The following WSCD1 variants were observed in gnomAD, a reference collection of about 807,000 sequenced individuals.
WSCD1 encodes WSC domain sialate O sulfotransferase 1.
WSCD1 carries 41 observed loss-of-function variants against 60.4 expected under a neutral mutation model. The ratio of observed to expected loss-of-function variants is 0.68; its 90% CI spans 0.53 to 0.88. The LOEUF (loss-of-function observed/expected upper bound fraction) is 0.88. Among genes scored for constraint, WSCD1 ranks in the 40% least tolerant of loss-of-function variants. The pLI is 0.00. For synonymous variants in WSCD1, 361 were observed against 332.5 expected, an observed-to-expected ratio of 1.09 and a Z score of -0.93; for missense variants, 784 against 796.2, an observed-to-expected ratio of 0.98 and a Z score of 0.18.
rs533808306 is a variant in WSCD1, at chr17:6,073,291, G to A, written c.-289+2639G>A. On this transcript the variant is annotated intron_variant, in intron 1 of 8. Coordinates refer to ENST00000317744, the MANE Select transcript of WSCD1 (RefSeq NM_015253.2). ...GACGACCCTTAAGCTTTCAGCACCA[G>A]GTGGAAGAAACACATGAATAAGTAA... Among the ~76,000 whole-genome samples the A allele has an allele frequency of 1.3e-5, 2 of 152,300 alleles. 1 individual carries two copies. Among genetic ancestry groups the A allele is most frequent in the South Asian group, 4.1e-4 (2 of 4,824 alleles).
Position 6,120,967 on chromosome 17 carries a change from G to C in WSCD1, c.*306G>C, listed in dbSNP as rs1904658224. 2 of 427,088 alleles carry C rather than the reference G, an allele frequency of 4.7e-6. No homozygotes were observed. The highest frequency in any genetic ancestry group is 2.0e-5 in the African/African-American group (1 of 50,328). 26.5% of individuals were successfully genotyped at this position (427,088 alleles called of 1,614,324 possible). On this transcript the variant is annotated 3_prime_UTR_variant, in exon 9 of 9. Coordinates refer to ENST00000317744, the MANE Select transcript of WSCD1 (RefSeq NM_015253.2). ...ACGTGGGGTGTGCCAGGCACCCCCA[G>C]ATACAAATGCAGCCACGCACAGACG...
intron 1 of WSCD1, among the ~76,000 whole-genome samples, chr17:6,077,513 G>A (rs1008860328): frequency 6.6e-5 from 10 of 152,166 alleles, no homozygotes; most frequent in Non-Finnish European, 1.2e-4. Context: ...TGGCCTGCAC[G>A]TGGCTGTCTG....
chr17:6,074,906 G>A (rs901464008), intron 1 of WSCD1, among the ~76,000 whole-genome samples: 4 of 152,114 alleles, frequency 2.6e-5, no homozygotes, highest in African/African-American at 9.7e-5. Context: ...GAGAGGGGAT[G>A]GGGTACAGAA....
At chr17:6,097,684 T>C (rs1338951970) in intron 5 of WSCD1, among the ~76,000 whole-genome samples, 1 of 152,214 alleles carries the variant, frequency 6.6e-6, no homozygotes, top group Non-Finnish European at 1.5e-5. Flanking sequence ...TCACTTTGTG[T>C]GAGTGAATCT....
At position 6,120,595 on chromosome 17, in the gene WSCD1, G is replaced by A. The variant is rs762563961; in HGVS notation, c.1662G>A (p.Arg554=). Residue 554 remains arginine (R), a synonymous_variant, in exon 9 of 9, where the codon CGG becomes CGA. Transcript: ENST00000317744. ...AAGACTTGATCAATGGCTACATCCG[G>A]ACGGTGGACCAAGCCCTGCGTGACC... ...EMKDLINGYI[R]TVDQALRDHN... 207 of 1,613,470 alleles carry A rather than the reference G, an allele frequency of 1.3e-4. No individual in the cohort carries two copies. The highest frequency in any genetic ancestry group is 1.7e-4 in the Non-Finnish European group (197 of 1,179,998).
rs997525174 is a variant in WSCD1 at position 6,101,066 on chromosome 17, C to T, written c.849+5843C>T. ...CTTCCCTCCTGAATGTTGAGGGTGG[C>T]GAGAGAGGTGAATCTGGGGATGTCT... On this transcript the variant is annotated intron_variant, in intron 5 of 8. Transcript: ENST00000317744. This position sits in a 1 kb window ranked among gnomAD's most constrained non-coding sequence, Gnocchi z 4.1. 5.3e-5 allele frequency among the ~76,000 whole-genome samples: 8 copies of T among 152,086 alleles called. No individual in the cohort carries two copies. The highest frequency in any genetic ancestry group is 1.4e-4 in the African/African-American group (6 of 41,392).
upstream of WSCD1, among the ~76,000 whole-genome samples, chr17:6,069,909 G>A (rs1003004361): frequency 6.6e-6 from 1 of 151,724 alleles, no homozygotes; most frequent in Non-Finnish European, 1.5e-5. Flanking sequence ...TGGGTGAGTG[G>A]GGCAGAGCCC....
In WSCD1 at chr17:6,120,637, GC is replaced by G; in HGVS notation, c.1707del (p.Arg570GlyfsTer17). The G allele has an allele frequency of 6.2e-7, 1 of 1,612,388 alleles. No homozygotes were observed. The highest frequency in any genetic ancestry group is 8.5e-7 in the Non-Finnish European group (1 of 1,179,308). On this transcript the variant is annotated frameshift_variant, in exon 9 of 9. Transcript: ENST00000317744. LOFTEE classifies it high-confidence loss of function. Reference protein sequence around the residue: ...ALRDHNWTGLPREYVPR With the variant: ...ALRDHNWTGLXREYVPR Reference sequence around the variant, plus strand: ...TGCGTGACCACAACTGGACGGGGCTGCCCAGGGAGTATGTGCCCAGATGATA... The same window carrying G: ...TGCGTGACCACAACTGGACGGGGCTGCCAGGGAGTATGTGCCCAGATGATA...
At chr17:6,081,745 T>G (rs1909294341) in intron 2 of WSCD1, 1 of 152,010 alleles carries the variant, frequency 6.6e-6, no homozygotes, top group Admixed American at 6.6e-5. Flanking sequence ...TCACTTAATG[T>G]CACCAGGTCT....
At chr17:6,096,938 C>T (rs747540412) in intron 5 of WSCD1, among the ~76,000 whole-genome samples, 4 of 152,212 alleles carry the variant, frequency 2.6e-5, no homozygotes, top group South Asian at 2.1e-4. Flanking sequence ...AGCCTTCCTG[C>T]GGGGGGTTAT....
At chr17:6,092,443 G>A (rs1366507279) in intron 4 of WSCD1, among the ~76,000 whole-genome samples, 1 of 152,154 alleles carries the variant, frequency 6.6e-6, no homozygotes, top group African/African-American at 2.4e-5. Flanking sequence ...CAGGGGCGGA[G>A]AAACTGACCA....
intron 7 of WSCD1, among the ~76,000 whole-genome samples, chr17:6,114,128 C>T (rs1445437426): frequency 1.0e-5 from 1 of 96,330 alleles, no homozygotes; most frequent in Non-Finnish European, 2.0e-5. Flanking sequence ...AAATGTGGTA[C>T]ATATACACAA....
At chr17:6,077,336 C>T (rs990525655) in intron 1 of WSCD1, among the ~76,000 whole-genome samples, 2 of 151,664 alleles carry the variant, frequency 1.3e-5, no homozygotes, top group Admixed American at 6.5e-5. Context: ...ATCCACCCGC[C>T]TCGGCCTCCC....
Position 6,090,453 on chromosome 17 carries a change from G to A in WSCD1, c.675G>A (p.Val225=), listed in dbSNP as rs1909958268. ...KGEKGSVCGA[V]DRLSVYRVDE... ...AGAAGGGCTCTGTGTGCGGGGCTGT[G>A]GACCGGCTCTCCGTGTACCGTGTGG... Residue 225 remains valine, a synonymous_variant, in exon 4 of 9, where the codon GTG becomes GTA. Coordinates refer to ENST00000317744, the MANE Select transcript of WSCD1 (RefSeq NM_015253.2). 6.2e-7 allele frequency: 1 copy of A among 1,613,470 alleles called. No homozygotes were observed. Among genetic ancestry groups the A allele is most frequent in the East Asian group, 2.2e-5 (1 of 44,814 alleles).
chr17:6,092,376 C>T (rs1222548259), intron 4 of WSCD1, among the ~76,000 whole-genome samples: 4 of 152,072 alleles, frequency 2.6e-5, no homozygotes, highest in African/African-American at 9.7e-5. Context: ...TTAGATGCCT[C>T]TTGCATTCAG....
At chr17:6,090,123 G>A (rs1024614729) in intron 3 of WSCD1, among the ~76,000 whole-genome samples, 198 bp from the exon 4 acceptor site, 3 of 152,120 alleles carry the variant, frequency 2.0e-5, no homozygotes, top group Admixed American at 6.5e-5. Flanking sequence ...AAAAGACAAG[G>A]TCCTTACGGC....
Position 6,095,135 on chromosome 17 carries a change from T to C in WSCD1, c.761T>C (p.Leu254Pro). ...GCCACCTACCGCGGATGCTTCCGAC[T>C]GCCAGAGAACATCACACATGCCTTC... is the stretch of plus-strand genomic sequence containing the variant. ...RTATYRGCFRLPENITHAFPS... is the reference protein window; with the variant it reads ...RTATYRGCFRPPENITHAFPS... The change falls in exon 5 of 9, where the codon CTG (leucine) becomes CCG (proline). Residue 254 changes from leucine (L) to proline (P), a missense_variant. By Grantham distance (98) the Leu-to-Pro change is moderately conservative (BLOSUM62 -3). Transcript: ENST00000317744. The C allele has an allele frequency of 2.5e-6, 4 of 1,613,626 alleles. No homozygotes were observed. The highest frequency in any genetic ancestry group is 3.4e-6 in the Non-Finnish European group (4 of 1,179,772).
chr17:6,105,877 G>T (rs951306803), intron 5 of WSCD1, among the ~76,000 whole-genome samples: 1 of 152,230 alleles, frequency 6.6e-6, no homozygotes, highest in African/African-American at 2.4e-5. Flanking sequence ...TTTCTGATAT[G>T]GGGAAGATTT....
chr17:6,090,823 C>G (rs1367888083), intron 4 of WSCD1, among the ~76,000 whole-genome samples: 1 of 152,184 alleles, frequency 6.6e-6, no homozygotes, highest in East Asian at 1.9e-4. Context: ...CCTCTCTGAG[C>G]TACGGTCTAT....
Sources: gnomAD v4.1 joint callset for allele counts (sites outside exome capture counted in the v4.1 genomes callset) on GRCh38, gnomAD v4.1.1 for gene constraint, Gnocchi (gnomAD v3.1) non-coding constraint, MANE v1.5 for transcripts, NCBI Gene and HGNC (gene_info 2026-07-23, HGNC 2026-07-21) for gene names.